Variants in GOLGA8H observed in about 807,000 individuals in gnomAD.
The protein encoded by GOLGA8H is golgin subfamily A member 8H.
GOLGA8H carries 47 observed loss-of-function variants against 82.7 expected under a neutral mutation model. That is an observed-to-expected ratio of 0.57 (90% CI 0.45 to 0.73). The LOEUF (loss-of-function observed/expected upper bound fraction) is 0.73. Among genes scored for constraint, GOLGA8H ranks in the 30% least tolerant of loss-of-function variants. GOLGA8H has a pLI of 0.00. For synonymous variants in GOLGA8H, 108 were observed against 241.6 expected (o/e 0.45, Z 5.13); for missense variants, 372 against 661.0 (o/e 0.56, Z 4.79).
chr15:30,615,546 T>C lies in GOLGA8H; in HGVS notation c.*985T>C, dbSNP rs1282562743. On this transcript the variant is annotated 3_prime_UTR_variant, in exon 19 of 19. Coordinates refer to ENST00000566740, the MANE Select transcript of GOLGA8H (RefSeq NM_001282490.2). Reference sequence around the variant, plus strand: ...GTACACAAAAGGGCACTGGTTGGCATTCTTCTTAATGTATTTAGTGAAGAT... The same window carrying C: ...GTACACAAAAGGGCACTGGTTGGCACTCTTCTTAATGTATTTAGTGAAGAT... Among the ~76,000 whole-genome samples the C allele has an allele frequency of 2.0e-5, 3 of 149,212 alleles. No homozygotes were observed. Among genetic ancestry groups the C allele is most frequent in the Non-Finnish European group, 3.0e-5 (2 of 67,312 alleles).
chr15:30,604,064 G>C lies in GOLGA8H; in HGVS notation c.-62G>C. ...TGCCTGGTAGGTGACTGGAGGCCTT[G>C]ATTGGTTCTCATTGAGATTTTGCTG... is the stretch of plus-strand genomic sequence containing the variant. On this transcript the variant is annotated 5_prime_UTR_variant, in exon 1 of 19. Transcript: ENST00000566740. 6.4e-7 allele frequency: 1 copy of C among 1,557,200 alleles called. No individual in the cohort carries two copies. Among genetic ancestry groups the C allele is most frequent in the South Asian group, 1.1e-5 (1 of 87,450 alleles).
At chr15:30,612,487 G>A in intron 13 of GOLGA8H, 110 bp from the exon 14 acceptor site, 1 of 1,294,210 alleles carries the variant, frequency 7.7e-7, no homozygotes. Context: ...TGGCTGAGAT[G>A]GCCTGCCAAA....
At position 30,605,979 on chromosome 15, in the gene GOLGA8H, C is replaced by G. The variant is rs777736984; in HGVS notation, c.168+17C>G. The G allele has an allele frequency of 3.8e-6, 6 of 1,591,454 alleles. 1 individual carries two copies. The highest frequency in any genetic ancestry group is 3.3e-5 in the South Asian group (3 of 89,748). On this transcript the variant is annotated intron_variant, in intron 2 of 18. Coordinates refer to ENST00000566740, the MANE Select transcript of GOLGA8H (RefSeq NM_001282490.2). ...CCTGGGGATGTGAGTCTTGGCTGAC[C>G]AGGCTTCTGGGGACAGGGGGCCCAA...
chr15:30,608,653 C>T lies in GOLGA8H; in HGVS notation c.488C>T (p.Ser163Phe), dbSNP rs745655639. 6.3e-7 allele frequency: 1 copy of T among 1,588,052 alleles called. No individual in the cohort carries two copies. Among genetic ancestry groups the T allele is most frequent in the Non-Finnish European group, 8.6e-7 (1 of 1,169,226 alleles). The change falls in exon 8 of 19, where the codon TCC becomes TTC. Residue 163 changes from serine (S) to phenylalanine (F), a missense_variant. Transcript: ENST00000566740. Reference protein sequence around the residue: ...KRSLRYFEEKSKDLAVCLQHS... With the variant: ...KRSLRYFEEKFKDLAVCLQHS... ...CTCAACTTTCTCATTACAGAAAAGTCCAAGGATCTGGCTGTCTGCCTGCAA... is the reference window on the plus strand; with the variant it reads ...CTCAACTTTCTCATTACAGAAAAGTTCAAGGATCTGGCTGTCTGCCTGCAA...
At chr15:30,608,591 T>C in intron 7 of GOLGA8H, 40 bp downstream of exon 7, 8 of 1,605,598 alleles carry the variant, frequency 5.0e-6, no homozygotes, top group Non-Finnish European at 6.8e-6. Flanking sequence ...AACCTGGCAC[T>C]TTGACAGGTC....
intron 13 of GOLGA8H, 164 bp downstream of exon 13, chr15:30,611,510 G>A (rs1426584174): frequency 1.1e-6 from 1 of 920,976 alleles, no homozygotes; most frequent in Non-Finnish European, 1.3e-6. Context: ...TCCTGCCTCT[G>A]ACTTTTAAAG....
At chr15:30,610,275 G>C (rs1406634149) in intron 10 of GOLGA8H, 27 bp from the exon 11 acceptor site, 3 of 893,328 alleles carry the variant, frequency 3.4e-6, no homozygotes, top group East Asian at 2.5e-5. Context: ...CTCTCTCCAA[G>C]GCCCTTTCCC....
intron 8 of GOLGA8H, 68 bp from the exon 9 acceptor site, chr15:30,609,738 T>G: frequency 1.3e-6 from 2 of 1,583,490 alleles, no homozygotes; most frequent in Non-Finnish European, 1.7e-6. Flanking sequence ...GCCCTAGTCC[T>G]TTTAAGGGGC....
chr15:30,614,548 G>C lies in GOLGA8H; in HGVS notation c.1886G>C (p.Arg629Thr). 5 of 1,601,144 alleles carry C rather than the reference G, an allele frequency of 3.1e-6. No individual in the cohort carries two copies. Among genetic ancestry groups the C allele is most frequent in the Middle Eastern group, 2.2e-4 (1 of 4,446 alleles). The change falls in exon 19 of 19, where the codon AGA becomes ACA. Residue 629 changes from arginine to threonine, a missense_variant. Coordinates refer to ENST00000566740, the MANE Select transcript of GOLGA8H (RefSeq NM_001282490.2). ...TTGTTGTGCTGGGCTTGGCTGCCAA[G>C]AAGAAGGAGATAAACATCACCATCC... is the stretch of plus-strand genomic sequence containing the variant. ...VPLLCWAWLPRRRR is the reference protein window; with the variant it reads ...VPLLCWAWLPTRRR
Position 30,609,798 on chromosome 15 carries a change from C to T in GOLGA8H, c.592-8C>T, listed in dbSNP as rs749452978. 2 of 1,501,610 alleles carry T rather than the reference C, an allele frequency of 1.3e-6. No individual in the cohort carries two copies. The highest frequency in any genetic ancestry group is 1.8e-6 in the Non-Finnish European group (2 of 1,097,202). 93.0% of individuals were successfully genotyped at this position (1,501,610 alleles called of 1,614,324 possible). ...CCAGATTGAAACTTCTCACTCTTCACCATCCAGTTGTCCAGCCGCAGCAAA... is the reference window on the plus strand; with the variant it reads ...CCAGATTGAAACTTCTCACTCTTCATCATCCAGTTGTCCAGCCGCAGCAAA... On this transcript the variant is annotated splice_polypyrimidine_tract_variant and splice_region_variant and intron_variant, in intron 8 of 18. Transcript: ENST00000566740.
chr15:30,613,406 T>G (rs1210115211), intron 15 of GOLGA8H, among the ~76,000 whole-genome samples: 2 of 93,114 alleles, frequency 2.1e-5, no homozygotes, highest in Non-Finnish European at 4.4e-5. Context: ...CTGCCCCATT[T>G]CTTCTGTGTA....
Position 30,609,831 on chromosome 15 carries a change from C to G in GOLGA8H, c.617C>G (p.Thr206Arg). The change falls in exon 9 of 19, where the codon ACG (threonine) becomes AGG (arginine). Residue 206 changes from threonine to arginine, a missense_variant. Physicochemically the swap from Thr to Arg is moderately conservative, Grantham distance 71. Coordinates refer to ENST00000566740, the MANE Select transcript of GOLGA8H (RefSeq NM_001282490.2). ...NQLSSRSKAR[T>R]EWKLEQSMRE... The stretch of plus-strand genomic sequence containing the variant: ...TTGTCCAGCCGCAGCAAAGCACGTA[C>G]GGAGTGGAAGTTAGAGCAGTCCATG... 1 of 1,591,694 alleles carries G rather than the reference C, an allele frequency of 6.3e-7. No homozygotes were observed. Among genetic ancestry groups the G allele is most frequent in the Non-Finnish European group, 8.6e-7 (1 of 1,165,672 alleles).
At position 30,608,768 on chromosome 15, in the gene GOLGA8H, C is replaced by A. The variant is rs1320518584; in HGVS notation, c.591+12C>A. 5 of 1,392,104 alleles carry A rather than the reference C, an allele frequency of 3.6e-6. No homozygotes were observed. The highest frequency in any genetic ancestry group is 1.5e-5 in the African/African-American group (1 of 67,702). 86.2% of individuals were successfully genotyped at this position (1,392,104 alleles called of 1,614,324 possible). A position where few individuals can be genotyped will look rare whatever the true frequency, so the allele number is the denominator to read the frequency against. On this transcript the variant is annotated intron_variant, in intron 8 of 18. Transcript: ENST00000566740. ...AGAAGGCAAACCAGGTGAGTCCAAC[C>A]ACCTGCCCCATCCCCTGGGAGCCTG...
chr15:30,605,814 A>T (rs1277695589), intron 1 of GOLGA8H, 29 bp from the exon 2 acceptor site: 7 of 1,591,354 alleles, frequency 4.4e-6, no homozygotes, highest in African/African-American at 1.3e-5. Context: ...GACGGTTCTC[A>T]TGAGTATTAC....
rs2059897356 is a variant in GOLGA8H, at chr15:30,604,320, T to C, written c.48+147T>C. 3 of 1,514,776 alleles carry C rather than the reference T, an allele frequency of 2.0e-6. No homozygotes were observed. The East Asian group carries it at 7.4e-5, about 37-fold the overall frequency. The allele number at this position is 1,514,776 out of a possible 1,614,324, so 93.8% of individuals were successfully genotyped here. ...CTCTGGGCTACCCCCATCAAAGTTT[T>C]GTCAGTCAGCCCCACCCCTTCAGCA... On this transcript the variant is annotated intron_variant, in intron 1 of 18. Coordinates refer to ENST00000566740, the MANE Select transcript of GOLGA8H (RefSeq NM_001282490.2).
chr15:30,608,712 GT>G lies in GOLGA8H; in HGVS notation c.549del (p.Leu184SerfsTer27). On this transcript the variant is annotated frameshift_variant, in exon 8 of 19. Coordinates refer to ENST00000566740, the MANE Select transcript of GOLGA8H (RefSeq NM_001282490.2). LOFTEE classifies it high-confidence loss of function. ...GCAGCGTAAAGGAGAGTTAGAGAGT[GT>G]TCTCTCTAATGTCATGGCCACACAG... ...SLQRKGELES[V>X]LSNVMATQKK... 1 of 1,526,662 alleles carries G rather than the reference GT, an allele frequency of 6.6e-7. No homozygotes were observed. The allele number at this position is 1,526,662 out of a possible 1,614,324, so 94.6% of individuals were successfully genotyped here. A position where few individuals can be genotyped will look rare whatever the true frequency, so the allele number is the denominator to read the frequency against.
In GOLGA8H at chr15:30,610,610, C is replaced by T. The variant is rs1313204981; in HGVS notation, c.875-156C>T. On this transcript the variant is annotated intron_variant, in intron 11 of 18. Transcript: ENST00000566740. ...TTGCCAGCCACCCGCAGTGCTCTTT[C>T]TCTGAATGTGCTTTGGAAGACTGGC... 4.0e-5 allele frequency among the ~76,000 whole-genome samples: 6 copies of T among 150,404 alleles called. 1 individual carries two copies. Among genetic ancestry groups the T allele is most frequent in the Admixed American group, 2.6e-4 (4 of 15,206 alleles).
Position 30,608,353 on chromosome 15 carries a change from A to G in GOLGA8H, c.371A>G (p.Lys124Arg), listed in dbSNP as rs1318528047. The change falls in exon 6 of 19, where the codon AAA becomes AGA. Residue 124 changes from lysine to arginine, a missense_variant. Lys to Arg is a conservative substitution (Grantham distance 26). Transcript: ENST00000566740. Reference protein sequence around the residue: ...LEEEKKANNKKQKAKRVLEVQ... With the variant: ...LEEEKKANNKRQKAKRVLEVQ... ...CAGGAAAAGAAAGCAAACAACAAGA[A>G]ACAGAAAGCCAAAAGGGTGCTAGAG... 3.2e-6 allele frequency: 5 copies of G among 1,584,832 alleles called. No homozygotes were observed. Among genetic ancestry groups the G allele is most frequent in the East Asian group, 4.5e-5 (2 of 44,330 alleles).
rs111803482 is a variant in GOLGA8H at position 30,609,118 on chromosome 15, C to T, written c.591+362C>T. On this transcript the variant is annotated intron_variant, in intron 8 of 18. Coordinates refer to ENST00000566740, the MANE Select transcript of GOLGA8H (RefSeq NM_001282490.2). The stretch of plus-strand genomic sequence containing the variant: ...TCTGTAGAAAGAGGAAACGTGTGTG[C>T]GTGTGTGTGTGTGTGTGTGTGTGTG... Among the ~76,000 whole-genome samples the T allele has an allele frequency of 1.1e-3, 93 of 85,638 alleles. 1 individual carries two copies. The highest frequency in any genetic ancestry group is 9.2e-4 in the Non-Finnish European group (37 of 40,380). 56.2% of individuals were successfully genotyped at this position (85,638 alleles called of 152,430 possible).
Sources: allele counts gnomAD v4.1 joint callset (sites outside exome capture counted in the v4.1 genomes callset), GRCh38; gene constraint gnomAD v4.1.1; transcripts MANE v1.5; gene names NCBI Gene and HGNC (gene_info 2026-07-23, HGNC 2026-07-21).